Variants in EXOC6 observed in about 807,000 individuals in gnomAD.
The protein encoded by EXOC6 is exocyst complex component 6, also known as SEC15-like 1.
Under a neutral mutation model 112.5 loss-of-function variants are expected in EXOC6, and 60 were observed. The observed-to-expected ratio is 0.53, with a 90% CI of 0.43 to 0.66. The LOEUF is 0.66. Among genes scored for constraint, EXOC6 ranks in the 30% least tolerant of loss-of-function variants. EXOC6 has a pLI of 0.00. For missense variants in EXOC6, 855 were observed against 957.1 expected (o/e 0.89, Z 1.41); for synonymous variants, 295 against 308.0 (o/e 0.96, Z 0.44).
intron 17 of EXOC6, among the ~76,000 whole-genome samples, chr10:92,959,945 A>G (rs1564864102): frequency 6.6e-6 from 1 of 152,178 alleles, no homozygotes; most frequent in Non-Finnish European, 1.5e-5. Flanking sequence ...TTGGAAGACC[A>G]TTTGGCAGCT....
chr10:92,972,791 G>A (rs910648255), intron 17 of EXOC6, among the ~76,000 whole-genome samples: 4 of 152,112 alleles, frequency 2.6e-5, no homozygotes, highest in Non-Finnish European at 4.4e-5. Flanking sequence ...ATTTTCTCCT[G>A]TCACTACCCT....
In EXOC6 at chr10:92,916,221, T is replaced by C. The variant is rs564473176; in HGVS notation, c.819+308T>C. Among the ~76,000 whole-genome samples, 6 of 152,250 alleles carry C rather than the reference T, an allele frequency of 3.9e-5. No homozygotes were observed. In the East Asian group the frequency reaches 1.2e-3, roughly 29 times the overall value. On this transcript the variant is annotated intron_variant, in intron 7 of 21. Coordinates refer to ENST00000260762, the MANE Select transcript of EXOC6 (RefSeq NM_019053.6). ...GCTTACATGTGAACACTTGTCTGTT[T>C]CAAAACAGGCCAGGCACAGTGGCTC... is the stretch of plus-strand genomic sequence containing the variant.
At chr10:92,891,033 T>A (rs1433127198) in intron 1 of EXOC6, among the ~76,000 whole-genome samples, 1 of 152,162 alleles carries the variant, frequency 6.6e-6, no homozygotes, top group Non-Finnish European at 1.5e-5. Flanking sequence ...CAAGACATGT[T>A]GTTGGCTTAG....
chr10:93,023,165 A>G (rs1243456757), intron 20 of EXOC6, among the ~76,000 whole-genome samples: 1 of 152,088 alleles, frequency 6.6e-6, no homozygotes, highest in Non-Finnish European at 1.5e-5. Context: ...GCTATGAAAG[A>G]TTAGGAAGTA....
At chr10:92,900,707 A>T (rs1032651611) in intron 5 of EXOC6, 2 of 150,248 alleles carry the variant, frequency 1.3e-5, no homozygotes, top group African/African-American at 2.4e-5. Context: ...CCCATTCACC[A>T]TTCCTTCTTT....
chr10:92,975,940 G>T (rs191335723), intron 18 of EXOC6, among the ~76,000 whole-genome samples: 4 of 117,984 alleles, frequency 3.4e-5, no homozygotes, highest in Admixed American at 8.5e-5. Flanking sequence ...CCCCCCGCCC[G>T]GCCAGCCGCC....
chr10:92,845,894 C>T (rs781219347), upstream of EXOC6, among the ~76,000 whole-genome samples: 4 of 152,232 alleles, frequency 2.6e-5, no homozygotes, highest in South Asian at 2.1e-4. Flanking sequence ...GCCAAGATCA[C>T]GCCATTGTTA....
intron 17 of EXOC6, among the ~76,000 whole-genome samples, chr10:92,966,040 G>A (rs953025708): frequency 1.1e-4 from 16 of 151,984 alleles, no homozygotes; most frequent in Non-Finnish European, 1.6e-4. Context: ...ACCCTTCCCC[G>A]AAAGTTTTTT....
chr10:93,020,531 T>TA (rs1177946655), intron 20 of EXOC6, among the ~76,000 whole-genome samples: 1 of 152,164 alleles, frequency 6.6e-6, no homozygotes, highest in East Asian at 1.9e-4. Context: ...AGATGCCTCT[T>TA]ATTAAAAATA....
At chr10:93,034,038 C>A (rs1211697715) in intron 20 of EXOC6, among the ~76,000 whole-genome samples, 2 of 152,226 alleles carry the variant, frequency 1.3e-5, no homozygotes, top group East Asian at 3.8e-4. Context: ...ACTTTGGAAA[C>A]TGTTTCCTGA....
chr10:92,852,280 A>T (rs1221538210), intron 1 of EXOC6, among the ~76,000 whole-genome samples: 1 of 152,214 alleles, frequency 6.6e-6, no homozygotes, highest in African/African-American at 2.4e-5. Context: ...TTACTGGTGG[A>T]TTCTACATCT....
At chr10:93,032,139 G>A (rs1201021943) in intron 20 of EXOC6, among the ~76,000 whole-genome samples, 1 of 152,128 alleles carries the variant, frequency 6.6e-6, no homozygotes, top group East Asian at 1.9e-4. Context: ...GACTGGGTGT[G>A]GTGGCTCATG....
intron 1 of EXOC6, among the ~76,000 whole-genome samples, chr10:92,837,714 T>G (rs1221457728): frequency 1.3e-5 from 2 of 151,990 alleles, no homozygotes. Flanking sequence ...CTATAAGGGT[T>G]GAGAGGGTGG....
intron 20 of EXOC6, among the ~76,000 whole-genome samples, chr10:93,039,703 T>C (rs983738012): frequency 6.6e-6 from 1 of 152,232 alleles, no homozygotes; most frequent in Non-Finnish European, 1.5e-5. Context: ...TTCCTTACTC[T>C]ACTCCTTCTC....
At position 92,997,467 on chromosome 10, in the gene EXOC6, T is replaced by G. The variant is rs1255271995; in HGVS notation, c.1954-7T>G. 6.2e-7 allele frequency: 1 copy of G among 1,601,134 alleles called. No homozygotes were observed. ...TGTTTGATTTTTGGTTTGATTGTTTTAAACAGGGGAAAGTTGCTCAGACAG... is the reference window on the plus strand; with the variant it reads ...TGTTTGATTTTTGGTTTGATTGTTTGAAACAGGGGAAAGTTGCTCAGACAG... On this transcript the variant is annotated splice_polypyrimidine_tract_variant and splice_region_variant and intron_variant, in intron 18 of 21. Coordinates refer to ENST00000260762, the MANE Select transcript of EXOC6 (RefSeq NM_019053.6).
intron 17 of EXOC6, among the ~76,000 whole-genome samples, chr10:92,964,997 ATTTTTTTGT>A (rs1841985479): frequency 1.3e-5 from 2 of 152,100 alleles, no homozygotes; most frequent in Non-Finnish European, 2.9e-5. Flanking sequence ...CTGCTGTATA[ATTTTTTTGT>A]AAGAGGATGG....
chr10:92,984,843 C>G (rs1485231889), intron 18 of EXOC6, among the ~76,000 whole-genome samples: 2 of 151,756 alleles, frequency 1.3e-5, no homozygotes, highest in African/African-American at 4.8e-5. Flanking sequence ...ACAAAAAATA[C>G]AAAAAATCAG....
chr10:93,011,273 T>G (rs551663836), intron 19 of EXOC6, among the ~76,000 whole-genome samples: 1 of 152,098 alleles, frequency 6.6e-6, no homozygotes, highest in South Asian at 2.1e-4. Context: ...GTATTTTTTT[T>G]TAAGACAAGA....
intron 9 of EXOC6, among the ~76,000 whole-genome samples, chr10:92,929,974 A>G (rs1421735495): frequency 6.6e-6 from 1 of 152,230 alleles, no homozygotes; most frequent in Non-Finnish European, 1.5e-5. Context: ...GTCAAGTCCA[A>G]GGAATCCCAG....
Sources: gnomAD v4.1 joint callset for allele counts (sites outside exome capture counted in the v4.1 genomes callset) on GRCh38, gnomAD v4.1.1 for gene constraint, MANE v1.5 for transcripts, NCBI Gene and HGNC (gene_info 2026-07-23, HGNC 2026-07-21) for gene names.